The following MACROD2 variants were observed in gnomAD, a reference collection of about 807,000 sequenced individuals.
MACROD2 encodes the protein mono-ADP ribosylhydrolase 2.
Under a neutral mutation model 70.4 loss-of-function variants are expected in MACROD2, and 36 were observed. That is an observed-to-expected ratio of 0.51 (90% CI 0.39 to 0.68). The LOEUF (loss-of-function observed/expected upper bound fraction) is 0.68. Ranked by LOEUF, MACROD2 falls within the 30% of genes least tolerant of loss-of-function variation. The pLI is 0.00. For synonymous variants in MACROD2, 172 were observed against 178.8 expected, an observed-to-expected ratio of 0.96 and a Z score of 0.30; for missense variants, 496 against 538.4, an observed-to-expected ratio of 0.92 and a Z score of 0.78.
chr20:14,955,589 T>C (rs2074529217), intron 5 of MACROD2, among the ~76,000 whole-genome samples: 1 of 152,078 alleles, frequency 6.6e-6, no homozygotes, highest in South Asian at 2.1e-4. Flanking sequence ...TGTGAATTCA[T>C]TCTGCAACCT....
chr20:14,442,564 T>C (rs2084135702), intron 3 of MACROD2, among the ~76,000 whole-genome samples: 1 of 152,140 alleles, frequency 6.6e-6, no homozygotes, highest in Non-Finnish European at 1.5e-5. Context: ...TCTTTCTTTC[T>C]TTTAAACTAA....
At chr20:14,778,169 C>G (rs1247047651) in intron 5 of MACROD2, among the ~76,000 whole-genome samples, 2 of 152,116 alleles carry the variant, frequency 1.3e-5, no homozygotes, top group Non-Finnish European at 2.9e-5. Context: ...TGAGCTGATT[C>G]CTCACTGCTT....
chr20:14,785,336 C>G (rs1476275914), intron 5 of MACROD2, among the ~76,000 whole-genome samples: 1 of 152,008 alleles, frequency 6.6e-6, no homozygotes, highest in Non-Finnish European at 1.5e-5. Context: ...TGTTTCCCAC[C>G]CATTTCTATG....
chr20:14,762,333 G>A (rs1265086871), intron 5 of MACROD2, among the ~76,000 whole-genome samples: 1 of 152,066 alleles, frequency 6.6e-6, no homozygotes, highest in African/African-American at 2.4e-5. Flanking sequence ...GTGGGGTCAT[G>A]GTGTCTCTTC....
chr20:15,394,143 C>T (rs1006668631), intron 6 of MACROD2, among the ~76,000 whole-genome samples: 1 of 152,170 alleles, frequency 6.6e-6, no homozygotes, highest in Non-Finnish European at 1.5e-5. Context: ...AATGTCAAAT[C>T]ATATCAACTC....
chr20:14,758,549 A>G (rs919693954), intron 5 of MACROD2, among the ~76,000 whole-genome samples: 14 of 152,152 alleles, frequency 9.2e-5, no homozygotes, highest in African/African-American at 3.4e-4. Flanking sequence ...TAGTTCATAT[A>G]TTATAACAGA....
intron 5 of MACROD2, among the ~76,000 whole-genome samples, chr20:14,771,081 G>A (rs1009156721): frequency 1.3e-5 from 2 of 152,054 alleles, no homozygotes; most frequent in Admixed American, 1.3e-4. Context: ...GGAGGGCATT[G>A]TCTGATTGAC....
At chr20:14,586,311 T>C (rs1299136928) in intron 4 of MACROD2, among the ~76,000 whole-genome samples, 1 of 152,026 alleles carries the variant, frequency 6.6e-6, no homozygotes, top group Non-Finnish European at 1.5e-5. Context: ...GCATATTCTT[T>C]GAATAAATGA....
chr20:14,409,005 A>G (rs2083719963), intron 3 of MACROD2, among the ~76,000 whole-genome samples: 1 of 152,142 alleles, frequency 6.6e-6, no homozygotes. Flanking sequence ...ACTCTTGCCC[A>G]TGTCAAGCAC....
intron 6 of MACROD2, among the ~76,000 whole-genome samples, chr20:15,309,001 C>CGCTTCT (rs2077725642): frequency 6.6e-6 from 1 of 152,238 alleles, no homozygotes; most frequent in Non-Finnish European, 1.5e-5. Flanking sequence ...TTGGGTCTGT[C>CGCTTCT]GCTTCTCTGT....
chr20:14,674,297 C>T (rs1202719049), intron 4 of MACROD2, among the ~76,000 whole-genome samples: 1 of 152,126 alleles, frequency 6.6e-6, no homozygotes, highest in Admixed American at 6.6e-5. Flanking sequence ...CCAGCTTCTA[C>T]ATTATCTTGC....
chr20:15,525,566 T>C (rs1432573179), intron 8 of MACROD2, among the ~76,000 whole-genome samples: 1 of 152,160 alleles, frequency 6.6e-6, no homozygotes, highest in Non-Finnish European at 1.5e-5. Context: ...CCCAAAGCAA[T>C]TGAATGCAGA....
intron 5 of MACROD2, among the ~76,000 whole-genome samples, chr20:14,890,511 T>C (rs1270828373): frequency 6.6e-6 from 1 of 152,092 alleles, no homozygotes; most frequent in East Asian, 1.9e-4. Context: ...CTCATGCCTG[T>C]AATTCCAGCA....
intron 7 of MACROD2, among the ~76,000 whole-genome samples, chr20:15,494,856 C>T (rs1387210068): frequency 6.6e-6 from 1 of 151,634 alleles, no homozygotes; most frequent in African/African-American, 2.4e-5. Flanking sequence ...ATTTATTTAT[C>T]GTATAAGTCA....
At chr20:14,601,223 A>G (rs1982475846) in intron 4 of MACROD2, among the ~76,000 whole-genome samples, 1 of 152,186 alleles carries the variant, frequency 6.6e-6, no homozygotes, top group Non-Finnish European at 1.5e-5. Flanking sequence ...TTTGTGGAAG[A>G]CAATTTTTTC....
At chr20:14,568,308 A>T (rs977564323) in intron 4 of MACROD2, among the ~76,000 whole-genome samples, 1 of 151,950 alleles carries the variant, frequency 6.6e-6, no homozygotes, top group African/African-American at 2.4e-5. Context: ...AGGCCAAAGG[A>T]TCTCATTATT....
chr20:14,870,184 T>C (rs780163929), intron 5 of MACROD2, among the ~76,000 whole-genome samples: 15 of 152,154 alleles, frequency 9.9e-5, no homozygotes, highest in Admixed American at 2.6e-4. Context: ...CTCCCACTTA[T>C]AAGTGAGAAT....
intron 5 of MACROD2, among the ~76,000 whole-genome samples, chr20:15,187,998 C>T (rs1029823046): frequency 1.3e-5 from 2 of 152,114 alleles, no homozygotes; most frequent in Non-Finnish European, 2.9e-5. Flanking sequence ...CCCCTACACA[C>T]GAATGTAATG....
intron 4 of MACROD2, among the ~76,000 whole-genome samples, chr20:14,662,283 A>C (rs2123537191): frequency 6.6e-6 from 1 of 152,266 alleles, no homozygotes; most frequent in East Asian, 1.9e-4. Context: ...CTGGCTAGCC[A>C]TATGCAGAAG....
Sources: allele counts gnomAD v4.1 joint callset (sites outside exome capture counted in the v4.1 genomes callset), GRCh38; gene constraint gnomAD v4.1.1; transcripts MANE v1.5; gene names NCBI Gene and HGNC (gene_info 2026-07-23, HGNC 2026-07-21).